The following ODAD2 variants were observed in gnomAD, a reference collection of about 807,000 sequenced individuals.
The protein encoded by ODAD2 is outer dynein arm-docking complex subunit 2.
In ODAD2, 89 loss-of-function variants were observed where a neutral mutation model predicts 106.8. The ratio of observed to expected loss-of-function variants is 0.83; its 90% CI spans 0.70 to 0.99. ODAD2 has a LOEUF of 0.99. ODAD2 is among the 50% of genes least tolerant of loss of function. The pLI, the probability that ODAD2 is intolerant of heterozygous loss-of-function variation, is 0.00. For synonymous variants in ODAD2, 404 were observed against 436.2 expected (o/e 0.93, Z 0.92); for missense variants, 1,168 against 1,238.5 (o/e 0.94, Z 0.85).
At chr10:27,998,147 C>G (rs1850666122) in intron 1 of ODAD2, among the ~76,000 whole-genome samples, 1 of 152,198 alleles carries the variant, frequency 6.6e-6, no homozygotes, top group South Asian at 2.1e-4. Context: ...GGAAAGGCAG[C>G]CATCAGCTCT....
intron 19 of ODAD2, among the ~76,000 whole-genome samples, chr10:27,818,622 C>G (rs2132828913): frequency 1.3e-5 from 2 of 152,274 alleles, no homozygotes; most frequent in Non-Finnish European, 2.9e-5. Context: ...AGAAAAAAAT[C>G]TAGTCTCCAA....
intron 19 of ODAD2, among the ~76,000 whole-genome samples, chr10:27,859,889 T>C (rs538882732): frequency 6.6e-6 from 1 of 152,312 alleles, no homozygotes; most frequent in South Asian, 2.1e-4. Flanking sequence ...ATTGTTGTTA[T>C]GGTTTAGACT....
intron 19 of ODAD2, among the ~76,000 whole-genome samples, chr10:27,819,574 T>TAA (rs56031733): frequency 0.013 from 955 of 73,964 alleles, 37 homozygotes; most frequent in African/African-American, 0.045. Flanking sequence ...CCCTGTCTCT[T>TAA]AAAAAAAAAA....
intron 19 of ODAD2, among the ~76,000 whole-genome samples, chr10:27,828,725 G>A (rs1449110133): frequency 6.6e-6 from 1 of 152,012 alleles, no homozygotes; most frequent in African/African-American, 2.4e-5. Flanking sequence ...AAATAATTTT[G>A]TTTTGGTTTA....
chr10:27,918,922 G>A (rs1844583868), intron 16 of ODAD2, among the ~76,000 whole-genome samples: 1 of 150,294 alleles, frequency 6.7e-6, no homozygotes, highest in Non-Finnish European at 1.5e-5. Flanking sequence ...AAAAAAAACT[G>A]GAAAAAAATT....
At chr10:27,829,563 CTT>C (rs1289789067) in intron 19 of ODAD2, among the ~76,000 whole-genome samples, 5 of 152,096 alleles carry the variant, frequency 3.3e-5, no homozygotes. Context: ...TTTTTTATAA[CTT>C]ATTTCTAACA....
chr10:27,813,469 A>C (rs1835896819), intron 19 of ODAD2: 1 of 152,256 alleles, frequency 6.6e-6, no homozygotes, highest in African/African-American at 2.4e-5. Flanking sequence ...TATCTAATGC[A>C]TAGAAGACAA....
At chr10:27,987,042 C>T (rs1190792234) in intron 3 of ODAD2, among the ~76,000 whole-genome samples, 1 of 152,232 alleles carries the variant, frequency 6.6e-6, no homozygotes, top group Non-Finnish European at 1.5e-5. Context: ...CCCTTGTCAT[C>T]TGTCTTCTCT....
At chr10:27,924,178 C>T (rs1845072901) in intron 16 of ODAD2, among the ~76,000 whole-genome samples, 1 of 151,856 alleles carries the variant, frequency 6.6e-6, no homozygotes, top group Admixed American at 6.6e-5. Context: ...AGTCAACACA[C>T]TCTGATCAAA....
chr10:27,856,172 A>G (rs985447259), intron 19 of ODAD2, among the ~76,000 whole-genome samples: 2 of 152,204 alleles, frequency 1.3e-5, no homozygotes, highest in African/African-American at 4.8e-5. Flanking sequence ...CAAATTTGTA[A>G]TGATACAAAT....
At chr10:27,989,402 C>T (rs530328929) in intron 2 of ODAD2, among the ~76,000 whole-genome samples, 32 of 152,262 alleles carry the variant, frequency 2.1e-4, no homozygotes, top group African/African-American at 6.7e-4. Flanking sequence ...ATGCATTGTT[C>T]ACAAAATGTA....
At chr10:27,959,110 GA>G in intron 10 of ODAD2, 1 of 848,440 alleles carries the variant, frequency 1.2e-6, no homozygotes, top group Non-Finnish European at 1.6e-6. Context: ...GCCAATGTAG[GA>G]AGACTGCTTG....
intron 19 of ODAD2, among the ~76,000 whole-genome samples, chr10:27,850,317 C>T (rs1169053633): frequency 6.6e-6 from 1 of 151,752 alleles, no homozygotes; most frequent in Non-Finnish European, 1.5e-5. Flanking sequence ...TGGTGGCAGG[C>T]GCCTGTAGTC....
At position 27,987,436 on chromosome 10, in the gene ODAD2, A is replaced by T; in HGVS notation, c.332T>A (p.Leu111Ter). The T allele has an allele frequency of 6.2e-7, 1 of 1,613,818 alleles. No individual in the cohort carries two copies. Among genetic ancestry groups the T allele is most frequent in the Non-Finnish European group, 8.5e-7 (1 of 1,179,850 alleles). Residue 111 changes from leucine to a stop codon, truncating the protein, a stop_gained, in exon 3 of 20, where the codon TTA (leucine) becomes TAA (stop). Transcript: ENST00000305242. LOFTEE classifies it high-confidence loss of function. The stretch of plus-strand genomic sequence containing the variant: ...CAACTTCCCAGTTTTGGCAATAAGT[A>T]ACAAGCGTGACAGCTGCCCAAAGCT... ...IRSFGQLSRL[L>*]LIAKTGKLKE...
At chr10:27,836,568 A>G (rs1837906713) in intron 19 of ODAD2, among the ~76,000 whole-genome samples, 3 of 152,176 alleles carry the variant, frequency 2.0e-5, no homozygotes, top group African/African-American at 7.2e-5. Flanking sequence ...ATATCCTATA[A>G]AAAGTACATT....
chr10:27,971,260 G>C lies in ODAD2; in HGVS notation c.990C>G (p.Ala330=), dbSNP rs768359599. 4 of 1,613,112 alleles carry C rather than the reference G, an allele frequency of 2.5e-6. No individual in the cohort carries two copies. The highest frequency in any genetic ancestry group is 3.4e-6 in the Non-Finnish European group (4 of 1,179,506). Residue 330 remains alanine (A), a synonymous_variant, in exon 8 of 20, where the codon GCC becomes GCG. Transcript: ENST00000305242. ...QQKEKDQLGK[A]PKKEEAAALR... ...GGGCAGCTGCTTCTTCCTTCTTGGGGGCTTTGCCAAGCTGATCCTTTTCCT... is the reference window on the plus strand; with the variant it reads ...GGGCAGCTGCTTCTTCCTTCTTGGGCGCTTTGCCAAGCTGATCCTTTTCCT...
intron 7 of ODAD2, among the ~76,000 whole-genome samples, chr10:27,975,924 G>A (rs1415958201): frequency 6.6e-6 from 1 of 152,044 alleles, no homozygotes; most frequent in Non-Finnish European, 1.5e-5. Context: ...AATTAAATCT[G>A]ATAATGTACA....
intron 17 of ODAD2, among the ~76,000 whole-genome samples, chr10:27,873,754 C>T (rs1397999500): frequency 6.6e-6 from 1 of 152,162 alleles, no homozygotes; most frequent in African/African-American, 2.4e-5. Flanking sequence ...TTTACATTTG[C>T]TGAGGAGTGC....
chr10:27,867,362 G>A (rs1270361901), intron 17 of ODAD2, among the ~76,000 whole-genome samples: 2 of 152,200 alleles, frequency 1.3e-5, no homozygotes, highest in African/African-American at 2.4e-5. Context: ...GGGGTGTTCT[G>A]TTAGGCCTGA....
Sources: gnomAD v4.1 joint callset for allele counts (sites outside exome capture counted in the v4.1 genomes callset) on GRCh38, gnomAD v4.1.1 for gene constraint, MANE v1.5 for transcripts, NCBI Gene and HGNC (gene_info 2026-07-23, HGNC 2026-07-21) for gene names.